The following IMMP2L variants were observed in gnomAD, a reference collection of about 807,000 sequenced individuals.
The protein encoded by IMMP2L is inner mitochondrial membrane peptidase subunit 2, also known as mitochondrial inner membrane protease subunit 2.
Under a neutral mutation model 19.3 loss-of-function variants are expected in IMMP2L, and 18 were observed. The ratio of observed to expected loss-of-function variants is 0.93; its 90% CI spans 0.64 to 1.38. The LOEUF (loss-of-function observed/expected upper bound fraction) is 1.38, where lower values mean the gene tolerates loss of function less well. Ranked by LOEUF, IMMP2L falls within the 40% of genes most tolerant of loss-of-function variation. IMMP2L has a pLI of 0.00. For synonymous variants in IMMP2L, 76 were observed against 73.0 expected, an observed-to-expected ratio of 1.04 and a Z score of -0.21; for missense variants, 233 against 218.2, an observed-to-expected ratio of 1.07 and a Z score of -0.43.
intron 3 of IMMP2L, among the ~76,000 whole-genome samples, chr7:110,994,862 G>A (rs1822870475): frequency 6.6e-6 from 1 of 152,108 alleles, no homozygotes; most frequent in Admixed American, 6.6e-5. Context: ...TAACACTTCT[G>A]AGCTTCTAAT....
chr7:111,361,356 C>T (rs192183020), intron 3 of IMMP2L, among the ~76,000 whole-genome samples: 413 of 152,118 alleles, frequency 2.7e-3, no homozygotes, highest in Middle Eastern at 0.014. Context: ...TGCAAGCATT[C>T]TTGAAGATTT....
chr7:111,025,266 C>G (rs927786927), intron 3 of IMMP2L, among the ~76,000 whole-genome samples: 8 of 152,138 alleles, frequency 5.3e-5, no homozygotes, highest in African/African-American at 1.7e-4. Context: ...GTTTCATTAT[C>G]CATAAGATGT....
chr7:110,980,940 T>C (rs1037962934), intron 3 of IMMP2L, among the ~76,000 whole-genome samples: 1 of 152,208 alleles, frequency 6.6e-6, no homozygotes, highest in African/African-American at 2.4e-5. Context: ...TGTTACTTAA[T>C]TGTAAATAAT....
At chr7:111,278,582 C>T (rs1019872030) in intron 3 of IMMP2L, among the ~76,000 whole-genome samples, 5 of 152,108 alleles carry the variant, frequency 3.3e-5, no homozygotes, top group Non-Finnish European at 5.9e-5. Flanking sequence ...AGTTGCACAC[C>T]CCAGTTGTGA....
intron 4 of IMMP2L, among the ~76,000 whole-genome samples, chr7:110,909,684 C>A (rs1812831492): frequency 6.6e-6 from 1 of 152,126 alleles, no homozygotes; most frequent in Non-Finnish European, 1.5e-5. Flanking sequence ...CTTTCAGGCC[C>A]TCTTGAGTTG....
intron 5 of IMMP2L, among the ~76,000 whole-genome samples, chr7:110,827,517 A>G (rs1329684603): frequency 2.0e-5 from 3 of 152,192 alleles, no homozygotes; most frequent in African/African-American, 7.2e-5. Context: ...TATTGTCCTC[A>G]CTTTCAAGGA....
chr7:111,175,920 A>C (rs1807010113), intron 3 of IMMP2L, among the ~76,000 whole-genome samples: 1 of 151,874 alleles, frequency 6.6e-6, no homozygotes, highest in Admixed American at 6.6e-5. Flanking sequence ...GGTGATCAAA[A>C]ATAGGAAAAA....
chr7:111,016,384 ATAT>A (rs1464177205), intron 3 of IMMP2L, among the ~76,000 whole-genome samples: 1 of 141,734 alleles, frequency 7.1e-6, no homozygotes, highest in African/African-American at 2.6e-5. Context: ...TTTATATGAT[ATAT>A]ATTTTTATAT....
intron 3 of IMMP2L, among the ~76,000 whole-genome samples, chr7:111,114,809 T>C (rs1463725775): frequency 2.0e-5 from 3 of 151,936 alleles, no homozygotes; most frequent in African/African-American, 7.2e-5. Flanking sequence ...ATTTAAGGGT[T>C]ACTACAAAAA....
At chr7:111,146,200 C>T (rs1208023602) in intron 3 of IMMP2L, among the ~76,000 whole-genome samples, 1 of 109,962 alleles carries the variant, frequency 9.1e-6, no homozygotes, top group Non-Finnish European at 1.7e-5. Context: ...CTGTTCTTGT[C>T]AATATAACAT....
chr7:111,001,942 T>C (rs1019770195), intron 3 of IMMP2L, among the ~76,000 whole-genome samples: 6 of 152,100 alleles, frequency 3.9e-5, no homozygotes, highest in Non-Finnish European at 5.9e-5. Context: ...CACATTCAAA[T>C]TCCTCCAACA....
intron 5 of IMMP2L, among the ~76,000 whole-genome samples, chr7:110,801,816 G>T (rs554484422): frequency 8.5e-5 from 13 of 152,200 alleles, no homozygotes; most frequent in African/African-American, 2.9e-4. Context: ...GGAACATGGG[G>T]TAACAGATAT....
chr7:111,016,794 A>AATATATAATATATACTATATAAT (rs1825661292), intron 3 of IMMP2L, among the ~76,000 whole-genome samples: 1 of 72,326 alleles, frequency 1.4e-5, no homozygotes, highest in Non-Finnish European at 2.4e-5. Context: ...TATACTATAT[A>AATATATAATATATACTATATAAT]ATATATAATA....
chr7:111,241,576 C>A (rs1199164985), intron 3 of IMMP2L, among the ~76,000 whole-genome samples: 4 of 151,904 alleles, frequency 2.6e-5, no homozygotes, highest in Admixed American at 2.0e-4. Context: ...TACAATGTAA[C>A]TGCCACACAG....
chr7:111,517,283 T>C lies in IMMP2L; in HGVS notation c.135+4030A>G, dbSNP rs189855330. 3.7e-4 allele frequency among the ~76,000 whole-genome samples: 56 copies of C among 152,218 alleles called. 1 individual carries two copies. The highest frequency in any genetic ancestry group is 1.2e-3 in the African/African-American group (51 of 41,562). ...CCTCAATGCTAATTAAACTGCATTT[T>C]CCTTCATATTCTGTAATTTCCTAAT... is the stretch of plus-strand genomic sequence containing the variant. On this transcript the variant is annotated intron_variant, in intron 2 of 5. Coordinates refer to ENST00000405709, the MANE Select transcript of IMMP2L (RefSeq NM_032549.4).
At chr7:111,331,082 T>C (rs1031130839) in intron 3 of IMMP2L, among the ~76,000 whole-genome samples, 1 of 151,938 alleles carries the variant, frequency 6.6e-6, no homozygotes, top group African/African-American at 2.4e-5. Context: ...TCTGGGTGTT[T>C]ACCTAAAAGA....
intron 5 of IMMP2L, among the ~76,000 whole-genome samples, chr7:110,816,741 G>C (rs1802556741): frequency 6.7e-6 from 1 of 150,312 alleles, no homozygotes; most frequent in Admixed American, 6.6e-5. Context: ...TGTCTCTTTT[G>C]ATCTTTGTTG....
intron 5 of IMMP2L, among the ~76,000 whole-genome samples, chr7:110,832,215 T>C (rs1208217938): frequency 6.6e-6 from 1 of 152,026 alleles, no homozygotes; most frequent in East Asian, 1.9e-4. Flanking sequence ...GAGCCGAGAT[T>C]GCACCACTGC....
chr7:111,467,539 T>G (rs943164064), intron 3 of IMMP2L, among the ~76,000 whole-genome samples: 1 of 152,152 alleles, frequency 6.6e-6, no homozygotes, highest in Non-Finnish European at 1.5e-5. Context: ...GGTATGTATA[T>G]TGAAAACAAT....
Sources: gnomAD v4.1 joint callset for allele counts (sites outside exome capture counted in the v4.1 genomes callset) on GRCh38, gnomAD v4.1.1 for gene constraint, MANE v1.5 for transcripts, NCBI Gene and HGNC (gene_info 2026-07-23, HGNC 2026-07-21) for gene names.